PTPRD: variants seen among roughly 807,000 people sequenced by gnomAD.
PTPRD encodes the protein protein tyrosine phosphatase receptor type D.
A neutral mutation model predicts 214.5 loss-of-function variants in PTPRD; 34 were observed. That is an observed-to-expected ratio of 0.16 (90% confidence interval 0.12 to 0.21). The LOEUF (loss-of-function observed/expected upper bound fraction) is 0.21, where lower values mean the gene tolerates loss of function less well. Among genes scored for constraint, PTPRD ranks in the 10% least tolerant of loss-of-function variants. The pLI is 1.00. For missense variants in PTPRD, 2,545 were observed against 2,398.7 expected, an observed-to-expected ratio of 1.06 and a Z score of -1.27; for synonymous variants, 1,128 against 845.7, an observed-to-expected ratio of 1.33 and a Z score of -5.79.
At chr9:10,347,028 GA>G (rs112396511) in intron 2 of PTPRD, among the ~76,000 whole-genome samples, 3 of 151,540 alleles carry the variant, frequency 2.0e-5, no homozygotes, top group African/African-American at 7.3e-5. Context: ...TAGACCATGG[GA>G]AAAAAAATAA....
intron 31 of PTPRD, among the ~76,000 whole-genome samples, chr9:8,470,603 A>T (rs1024203456): frequency 2.0e-5 from 3 of 152,138 alleles, no homozygotes; most frequent in African/African-American, 7.2e-5. Flanking sequence ...GCAAATTGCA[A>T]CTTGGTGTTT....
chr9:10,063,695 T>C (rs1044320489), intron 3 of PTPRD, among the ~76,000 whole-genome samples: 5 of 151,996 alleles, frequency 3.3e-5, no homozygotes, highest in Admixed American at 2.6e-4. Flanking sequence ...GAAAGCCCTA[T>C]AATATTCAGA....
chr9:9,842,277 C>A, intron 5 of PTPRD, among the ~76,000 whole-genome samples: 1 of 141,590 alleles, frequency 7.1e-6, no homozygotes, highest in Admixed American at 7.2e-5. Context: ...ACAAAAAACT[C>A]AAAGTCTACT....
At chr9:10,473,053 C>G (rs2099041255) in intron 2 of PTPRD, among the ~76,000 whole-genome samples, 1 of 151,488 alleles carries the variant, frequency 6.6e-6, no homozygotes, top group Non-Finnish European at 1.5e-5. Flanking sequence ...TGTATATGAC[C>G]AAATTAAATT....
intron 6 of PTPRD, among the ~76,000 whole-genome samples, chr9:9,735,590 T>C (rs191350430): frequency 1.2e-4 from 19 of 152,218 alleles, no homozygotes; most frequent in Non-Finnish European, 1.8e-4. Context: ...GGACCACTAA[T>C]TGGTAACAAA....
intron 3 of PTPRD, among the ~76,000 whole-genome samples, chr9:10,049,407 A>AAAAGAAAGAAAGAAAGAAAGAAAG (rs1165910757): frequency 8.6e-5 from 10 of 115,726 alleles, no homozygotes; most frequent in Admixed American, 1.8e-4. Context: ...TTAAAAAAAA[A>AAAAGAAAGAAAGAAAGAAAGAAAG]AAAGAAAGAA....
chr9:9,282,388 C>G (rs1948032239), intron 9 of PTPRD, among the ~76,000 whole-genome samples: 1 of 151,200 alleles, frequency 6.6e-6, no homozygotes, highest in African/African-American at 2.4e-5. Flanking sequence ...TTAAAATCTG[C>G]TCTAAGAAAT....
At chr9:9,258,570 G>T (rs2099978777) in intron 9 of PTPRD, among the ~76,000 whole-genome samples, 1 of 151,806 alleles carries the variant, frequency 6.6e-6, no homozygotes, top group African/African-American at 2.4e-5. Flanking sequence ...GAATTACATT[G>T]AACAGTATAA....
intron 3 of PTPRD, among the ~76,000 whole-genome samples, chr9:10,174,307 T>G (rs748281066): frequency 1.3e-5 from 2 of 152,254 alleles, no homozygotes; most frequent in Non-Finnish European, 2.9e-5. Flanking sequence ...TTAATTCCAG[T>G]GATAGCTGAC....
At chr9:9,588,929 C>T (rs1240464493) in intron 7 of PTPRD, among the ~76,000 whole-genome samples, 1 of 151,866 alleles carries the variant, frequency 6.6e-6, no homozygotes, top group African/African-American at 2.4e-5. Context: ...TGACTTAGAA[C>T]ATTTTAATAT....
At chr9:8,886,808 A>T (rs1420454521) in intron 11 of PTPRD, among the ~76,000 whole-genome samples, 1 of 152,150 alleles carries the variant, frequency 6.6e-6, no homozygotes, top group African/African-American at 2.4e-5. Flanking sequence ...AATGCTTAAA[A>T]ACTCTAATTA....
intron 7 of PTPRD, among the ~76,000 whole-genome samples, chr9:9,706,845 G>A (rs566836823): frequency 8.5e-5 from 13 of 152,206 alleles, no homozygotes; most frequent in East Asian, 5.8e-4. Context: ...GGAATGGGGC[G>A]AGGTAGGTAG....
intron 11 of PTPRD, among the ~76,000 whole-genome samples, chr9:8,807,784 T>G (rs1406215008): frequency 6.6e-6 from 1 of 152,156 alleles, no homozygotes; most frequent in Non-Finnish European, 1.5e-5. Flanking sequence ...TTCCTGAAAT[T>G]TGTTTCATAT....
intron 39 of PTPRD, among the ~76,000 whole-genome samples, chr9:8,350,751 CAG>C (rs2075221272): frequency 1.3e-5 from 2 of 150,734 alleles, no homozygotes; most frequent in Non-Finnish European, 1.5e-5. Flanking sequence ...ACAAAATATT[CAG>C]CTGTCTAACT....
chr9:10,017,838 T>G (rs565835338), intron 4 of PTPRD, among the ~76,000 whole-genome samples: 1 of 152,062 alleles, frequency 6.6e-6, no homozygotes, highest in South Asian at 2.1e-4. Context: ...CTTTCCCCAA[T>G]TGAATGCCCT....
intron 7 of PTPRD, among the ~76,000 whole-genome samples, chr9:9,599,971 C>T (rs887228678): frequency 2.0e-5 from 3 of 151,928 alleles, no homozygotes; most frequent in Non-Finnish European, 1.5e-5. Context: ...TCTCAATTGT[C>T]CCCAGAGTAT....
chr9:10,057,232 A>T (rs1589896047), intron 3 of PTPRD, among the ~76,000 whole-genome samples: 1 of 152,178 alleles, frequency 6.6e-6, no homozygotes, highest in East Asian at 1.9e-4. Flanking sequence ...ATTGATATCA[A>T]ACATTATCTA....
At chr9:8,741,138 T>A (rs180794903) in intron 11 of PTPRD, among the ~76,000 whole-genome samples, 8 of 152,280 alleles carry the variant, frequency 5.3e-5, no homozygotes, top group Admixed American at 1.3e-4. Context: ...AATGACATTA[T>A]TAACTTTGAT....
chr9:10,144,698 C>G (rs192676391), intron 3 of PTPRD, among the ~76,000 whole-genome samples: 34 of 152,144 alleles, frequency 2.2e-4, no homozygotes, highest in African/African-American at 7.7e-4. Context: ...ATGGGACTAG[C>G]TTCGTTAGAT....
Sources: gnomAD v4.1 joint callset for allele counts (sites outside exome capture counted in the v4.1 genomes callset) on GRCh38, gnomAD v4.1.1 for gene constraint, MANE v1.5 for transcripts, NCBI Gene and HGNC (gene_info 2026-07-23, HGNC 2026-07-21) for gene names.